GPM6B: variants seen among roughly 807,000 people sequenced by gnomAD.
GPM6B encodes glycoprotein M6B.
Under a neutral mutation model 27.2 loss-of-function variants are expected in GPM6B, and 4 were observed. The observed-to-expected ratio is 0.15, with a 90% confidence interval of 0.07 to 0.34. The LOEUF is 0.34. Among genes scored for constraint, GPM6B ranks in the 10% least tolerant of loss-of-function variants. The pLI is 1.00. For synonymous variants in GPM6B, 124 were observed against 103.1 expected (o/e 1.20, Z -1.23); for missense variants, 183 against 261.9 (o/e 0.70, Z 2.08).
chrX:13,780,112 G>T (rs776010301), intron 4 of GPM6B, 123 bp from the exon 5 acceptor site: 44 of 510,914 alleles, frequency 8.6e-5, no homozygotes, highest in Non-Finnish European at 1.2e-4. Flanking sequence ...GGGGACCCTC[G>T]CCCCGGCATT....
chrX:13,833,532 G>A (rs1334776460), intron 1 of GPM6B, among the ~76,000 whole-genome samples: 1 of 81,317 alleles, frequency 1.2e-5, no homozygotes. Context: ...CTGGGCAACA[G>A]AGCAAGACTC....
At chrX:13,922,639 C>T (rs937748331) in intron 1 of GPM6B, among the ~76,000 whole-genome samples, 2 of 111,999 alleles carry the variant, frequency 1.8e-5, no homozygotes, top group Non-Finnish European at 3.8e-5. Context: ...TGTCACTTGT[C>T]ATGTTGGGCT....
intron 1 of GPM6B, among the ~76,000 whole-genome samples, chrX:13,918,814 G>A (rs1009791119): frequency 9.0e-6 from 1 of 111,246 alleles, no homozygotes; most frequent in African/African-American, 3.3e-5. Flanking sequence ...TAAAAGATCA[G>A]AGCTCATGAG....
chrX:13,906,867 T>C (rs2050336096), intron 1 of GPM6B, among the ~76,000 whole-genome samples: 1 of 111,964 alleles, frequency 8.9e-6, no homozygotes, highest in Non-Finnish European at 1.9e-5. Flanking sequence ...GATCCCTCTT[T>C]TACTAGTAAA....
chrX:13,774,034 CATTTGGTA>C, intron 7 of GPM6B: 1 of 723,160 alleles, frequency 1.4e-6, no homozygotes, highest in Non-Finnish European at 1.6e-6. Flanking sequence ...ATTTGAGGGT[CATTTGGTA>C]GTGAACCATG....
chrX:13,817,309 C>A (rs978180602), upstream of GPM6B: 2 of 759,511 alleles, frequency 2.6e-6, no homozygotes, highest in Non-Finnish European at 3.1e-6. Flanking sequence ...CGATCTCTCT[C>A]TCTCTCTCTC....
intron 1 of GPM6B, among the ~76,000 whole-genome samples, chrX:13,937,162 G>C (rs1034581834): frequency 8.9e-6 from 1 of 111,738 alleles, no homozygotes; most frequent in Admixed American, 9.5e-5. Context: ...ACTCGATTCT[G>C]CCCTTTCTAG....
At chrX:13,815,084 A>G (rs1363414285) in intron 1 of GPM6B, among the ~76,000 whole-genome samples, 1 of 112,151 alleles carries the variant, frequency 8.9e-6, no homozygotes, top group African/African-American at 3.2e-5. Flanking sequence ...TTGACATAAA[A>G]TAATAGCAGT....
At chrX:13,812,376 T>C (rs139604439) in intron 1 of GPM6B, among the ~76,000 whole-genome samples, 3,095 of 111,584 alleles carry the variant, frequency 0.028, 51 homozygotes, top group Admixed American at 0.043. Context: ...AACGAATAAA[T>C]GAATGAACAA....
At chrX:13,913,072 T>C (rs779282039) in intron 1 of GPM6B, among the ~76,000 whole-genome samples, 3 of 111,880 alleles carry the variant, frequency 2.7e-5, no homozygotes, top group South Asian at 3.7e-4. Context: ...AATTAGAACA[T>C]AGGAAGATAT....
chrX:13,780,418 A>G (rs968923332), intron 4 of GPM6B, among the ~76,000 whole-genome samples: 1 of 111,718 alleles, frequency 9.0e-6, no homozygotes, highest in African/African-American at 3.3e-5. Flanking sequence ...CTGAATTATA[A>G]CTTCATATTA....
chrX:13,817,001 TAC>T lies in GPM6B; in HGVS notation c.-99_-98del. On this transcript the variant is annotated 5_prime_UTR_variant, in exon 1 of 8. Coordinates refer to ENST00000316715, the MANE Select transcript of GPM6B (RefSeq NM_001001995.3). Reference sequence around the variant, plus strand: ...TTTGGACTCCCCTCCGTCTCTTATTTACACCCGTCTGATTGAGAGGCTCTGTT... The same window carrying T: ...TTTGGACTCCCCTCCGTCTCTTATTTACCCGTCTGATTGAGAGGCTCTGTT... 1 of 1,137,537 alleles carries T rather than the reference TAC, an allele frequency of 8.8e-7. No homozygotes were observed. Among genetic ancestry groups the T allele is most frequent in the Admixed American group, 3.0e-5 (1 of 33,354 alleles). 93.7% of individuals were successfully genotyped at this position (1,137,537 alleles called of 1,213,427 possible).
At chrX:13,861,051 C>CAT (rs2049843054) in intron 1 of GPM6B, among the ~76,000 whole-genome samples, 3 of 104,116 alleles carry the variant, frequency 2.9e-5, no homozygotes, top group African/African-American at 7.1e-5. Context: ...CACATATATA[C>CAT]ATATATATAC....
chrX:13,842,898 CAA>C (rs1426795887), intron 1 of GPM6B, among the ~76,000 whole-genome samples: 2 of 111,276 alleles, frequency 1.8e-5, no homozygotes, highest in Non-Finnish European at 3.8e-5. Flanking sequence ...ACGATGAAGC[CAA>C]AACTCATTTT....
At position 13,783,386 on chromosome X, in the gene GPM6B, A is replaced by G. The variant is rs1271515800; in HGVS notation, c.504T>C (p.Cys168=). The change falls in exon 4 of 8, where the codon TGT becomes TGC. Residue 168 remains cysteine, a synonymous_variant. Coordinates refer to ENST00000316715, the MANE Select transcript of GPM6B (RefSeq NM_001001995.3). ...ELHGEFKTTA[C]GRCISGMFVF... ...TCACCATTCCACTGATGCATCGGCCACAAGCGGTTGTTTTAAACTCACCGT... is the reference window on the plus strand; with the variant it reads ...TCACCATTCCACTGATGCATCGGCCGCAAGCGGTTGTTTTAAACTCACCGT... 20 of 1,196,245 alleles carry G rather than the reference A, an allele frequency of 1.7e-5. No homozygotes were observed. The highest frequency in any genetic ancestry group is 2.1e-5 in the Non-Finnish European group (19 of 888,895).
chrX:13,821,116 C>G (rs1474364238), upstream of GPM6B, among the ~76,000 whole-genome samples: 2 of 111,151 alleles, frequency 1.8e-5, no homozygotes, highest in Non-Finnish European at 3.8e-5. Flanking sequence ...GACTAGCAAG[C>G]AGAAAGGAGT....
At chrX:13,878,160 A>C (rs1441645079) in intron 1 of GPM6B, among the ~76,000 whole-genome samples, 1 of 32,103 alleles carries the variant, frequency 3.1e-5, no homozygotes, top group Non-Finnish European at 4.5e-5. Flanking sequence ...TAAAGCTGTT[A>C]AAAAAAAAAA....
At chrX:13,794,276 C>A (rs757745807) in intron 2 of GPM6B, among the ~76,000 whole-genome samples, 44 of 110,768 alleles carry the variant, frequency 4.0e-4, no homozygotes, top group African/African-American at 1.4e-3. Flanking sequence ...CTTCTGCCTC[C>A]TGGGCTCAAG....
intron 1 of GPM6B, among the ~76,000 whole-genome samples, chrX:13,891,863 G>GA (rs1030109924): frequency 9.0e-6 from 1 of 111,719 alleles, no homozygotes; most frequent in Non-Finnish European, 1.9e-5. Flanking sequence ...TCAGGGCAGG[G>GA]AAAAAACAGA....
Sources: allele counts gnomAD v4.1 joint callset (sites outside exome capture counted in the v4.1 genomes callset), GRCh38; gene constraint gnomAD v4.1.1; transcripts MANE v1.5; gene names NCBI Gene and HGNC (gene_info 2026-07-23, HGNC 2026-07-21).